The following CDH12 variants were observed in gnomAD, a reference collection of about 807,000 sequenced individuals.
CDH12 encodes the protein cadherin-12.
In CDH12, 41 loss-of-function variants were observed where a neutral mutation model predicts 74.1. That is an observed-to-expected ratio of 0.55 (90% confidence interval 0.43 to 0.72). The LOEUF (loss-of-function observed/expected upper bound fraction) is 0.72, where lower values mean the gene tolerates loss of function less well. Among genes scored for constraint, CDH12 ranks in the 30% least tolerant of loss-of-function variants. CDH12 has a pLI of 0.00. For missense variants in CDH12, 945 were observed against 977.2 expected (o/e 0.97, Z 0.44); for synonymous variants, 399 against 355.0 (o/e 1.12, Z -1.39).
chr5:22,096,237 T>C (rs1005965059), intron 4 of CDH12, among the ~76,000 whole-genome samples: 1 of 152,068 alleles, frequency 6.6e-6, no homozygotes, highest in Non-Finnish European at 1.5e-5. Flanking sequence ...TAGTTCCAAA[T>C]AGCCAAAAAA....
chr5:22,771,101 G>A (rs922965149), intron 1 of CDH12, among the ~76,000 whole-genome samples: 9 of 151,952 alleles, frequency 5.9e-5, no homozygotes, highest in South Asian at 4.1e-4. Flanking sequence ...ACAGATGAAC[G>A]AATTTTATTT....
Position 22,432,028 on chromosome 5 carries a change from C to T in CDH12, c.-427-26677G>A, listed in dbSNP as rs770070939. Among the ~76,000 whole-genome samples, 30 of 152,098 alleles carry T rather than the reference C, an allele frequency of 2.0e-4. 1 individual carries two copies. The highest frequency in any genetic ancestry group is 3.8e-4 in the Non-Finnish European group (26 of 68,010). ...GGCGTTCAAATTCACTCACCCTAGG[C>T]GTTCAAACTCATGGTGAGTGAATGG... is the stretch of plus-strand genomic sequence containing the variant. On this transcript the variant is annotated intron_variant, in intron 2 of 14. Coordinates refer to ENST00000382254, the MANE Select transcript of CDH12 (RefSeq NM_004061.5).
intron 6 of CDH12, among the ~76,000 whole-genome samples, chr5:21,952,613 G>A (rs1452441783): frequency 1.3e-5 from 2 of 152,156 alleles, no homozygotes; most frequent in Non-Finnish European, 1.5e-5. Context: ...GACAATCAGG[G>A]TGTACTGGGA....
At chr5:22,545,322 A>T (rs551978249) in intron 1 of CDH12, among the ~76,000 whole-genome samples, 1 of 152,314 alleles carries the variant, frequency 6.6e-6, no homozygotes, top group African/African-American at 2.4e-5. Flanking sequence ...AATAGCATTT[A>T]AATGAGGTAA....
chr5:22,675,577 T>C (rs1229377485), intron 1 of CDH12, among the ~76,000 whole-genome samples: 1 of 151,992 alleles, frequency 6.6e-6, no homozygotes, highest in Non-Finnish European at 1.5e-5. Context: ...GTTAAGACTC[T>C]AGGGGACTAT....
In CDH12 at chr5:22,080,926, C is replaced by T. The variant is rs188447276; in HGVS notation, c.-186-2064G>A. Among the ~76,000 whole-genome samples the T allele has an allele frequency of 6.0e-3, 917 of 151,946 alleles. 9 individuals are homozygous for T. The highest frequency in any genetic ancestry group is 0.021 in the African/African-American group (885 of 41,448). On this transcript the variant is annotated intron_variant, in intron 4 of 14. Coordinates refer to ENST00000382254, the MANE Select transcript of CDH12 (RefSeq NM_004061.5). ...TCCCGAGTAGCTGGGACTATAGGTG[C>T]GTGCCACCACACCCGGCTAATTTTT...
At chr5:22,437,487 ATACAT>A (rs1361757483) in intron 2 of CDH12, among the ~76,000 whole-genome samples, 1 of 151,736 alleles carries the variant, frequency 6.6e-6, no homozygotes, top group Non-Finnish European at 1.5e-5. Flanking sequence ...TAAAGTGAGA[ATACAT>A]TAAAATATAA....
At chr5:22,294,436 T>G (rs564017907) in intron 3 of CDH12, among the ~76,000 whole-genome samples, 2 of 152,124 alleles carry the variant, frequency 1.3e-5, no homozygotes, top group Non-Finnish European at 2.9e-5. Flanking sequence ...ATAAAGAAAG[T>G]GTATATGTGC....
At chr5:22,253,612 T>C (rs1186067265) in intron 3 of CDH12, among the ~76,000 whole-genome samples, 1 of 151,952 alleles carries the variant, frequency 6.6e-6, no homozygotes, top group Non-Finnish European at 1.5e-5. Flanking sequence ...TTCCGAAGTA[T>C]TGATTCTAAC....
chr5:22,179,426 C>T (rs1397737806), intron 4 of CDH12, among the ~76,000 whole-genome samples: 4 of 151,960 alleles, frequency 2.6e-5, no homozygotes, highest in Non-Finnish European at 5.9e-5. Context: ...GTCTTAAAAG[C>T]AATTAAATTT....
chr5:21,839,967 A>G (rs1749749032), intron 8 of CDH12, among the ~76,000 whole-genome samples: 1 of 152,184 alleles, frequency 6.6e-6, no homozygotes, highest in Non-Finnish European at 1.5e-5. Context: ...TTCAACAAGA[A>G]ACACAGAGTT....
At chr5:22,647,330 C>A (rs962289398) in intron 1 of CDH12, among the ~76,000 whole-genome samples, 1 of 151,716 alleles carries the variant, frequency 6.6e-6, no homozygotes, top group South Asian at 2.1e-4. Flanking sequence ...TATTTAAATT[C>A]TATAACACTT....
intron 11 of CDH12, among the ~76,000 whole-genome samples, chr5:21,776,348 T>C: frequency 6.7e-6 from 1 of 150,004 alleles, no homozygotes; most frequent in Admixed American, 6.6e-5. Context: ...CTCCTAACTG[T>C]AAAATAATAC....
chr5:22,606,295 G>A (rs1737111040), intron 1 of CDH12, among the ~76,000 whole-genome samples: 1 of 152,134 alleles, frequency 6.6e-6, no homozygotes, highest in Non-Finnish European at 1.5e-5. Flanking sequence ...CTGTGTACCT[G>A]TAGTACCAAC....
At chr5:22,691,846 G>C (rs1192122906) in intron 1 of CDH12, among the ~76,000 whole-genome samples, 1 of 152,038 alleles carries the variant, frequency 6.6e-6, no homozygotes, top group Non-Finnish European at 1.5e-5. Context: ...TAGTAAAAAT[G>C]ATAAATAGAA....
intron 1 of CDH12, among the ~76,000 whole-genome samples, chr5:22,555,130 T>A (rs1297668448): frequency 2.6e-5 from 4 of 152,068 alleles, no homozygotes; most frequent in Non-Finnish European, 5.9e-5. Flanking sequence ...TCATTTTCCT[T>A]CCCAACCATC....
chr5:22,711,071 GTGTT>G (rs1016492564), intron 1 of CDH12, among the ~76,000 whole-genome samples: 16 of 136,576 alleles, frequency 1.2e-4, no homozygotes, highest in African/African-American at 3.4e-4. Context: ...ACATTACGCA[GTGTT>G]TTTATCCTAG....
intron 14 of CDH12, among the ~76,000 whole-genome samples, chr5:21,755,039 G>A (rs16888497): frequency 0.035 from 5,343 of 152,308 alleles, 114 homozygotes; most frequent in Middle Eastern, 0.071. Context: ...ATGCAAGAAA[G>A]TGGAAGAATT....
intron 7 of CDH12, among the ~76,000 whole-genome samples, chr5:21,843,073 A>G (rs1409801954): frequency 6.6e-6 from 1 of 152,204 alleles, no homozygotes; most frequent in East Asian, 1.9e-4. Context: ...GTGTAAAAAT[A>G]GTTTATATTC....
Sources: gnomAD v4.1 joint callset for allele counts (sites outside exome capture counted in the v4.1 genomes callset) on GRCh38, gnomAD v4.1.1 for gene constraint, MANE v1.5 for transcripts, NCBI Gene and HGNC (gene_info 2026-07-23, HGNC 2026-07-21) for gene names.